RPAP1: variants seen among roughly 807,000 people sequenced by gnomAD.
RPAP1 encodes the protein RNA polymerase II associated protein 1, also known as RNA polymerase II-associated protein 1.
Under a neutral mutation model 142.4 loss-of-function variants are expected in RPAP1, and 109 were observed. The ratio of observed to expected loss-of-function variants is 0.77; its 90% CI spans 0.66 to 0.90. RPAP1 has a LOEUF of 0.90. Among genes scored for constraint, RPAP1 ranks in the 40% least tolerant of loss-of-function variants. The pLI, the probability that RPAP1 is intolerant of heterozygous loss-of-function variation, is 0.00. For synonymous variants in RPAP1, 704 were observed against 738.9 expected (o/e 0.95, Z 0.77); for missense variants, 1,546 against 1,751.7 (o/e 0.88, Z 2.10).
Position 41,517,243 on chromosome 15 carries a change from AGGGGTTG to A in RPAP1, c.*292_*298del. On this transcript the variant is annotated 3_prime_UTR_variant, in exon 25 of 25. Coordinates refer to ENST00000304330, the MANE Select transcript of RPAP1 (RefSeq NM_015540.4). ...GCATTCATATGCCTCAGCCCAGGGC[AGGGGTTG>A]GGAGTTAGGTAAGAAGGGATGCATT... 1 of 267,352 alleles carries A rather than the reference AGGGGTTG, an allele frequency of 3.7e-6. No individual in the cohort carries two copies. The highest frequency in any genetic ancestry group is 7.1e-5 in the East Asian group (1 of 14,114). 16.6% of individuals were successfully genotyped at this position (267,352 alleles called of 1,614,324 possible). A position where few individuals can be genotyped will look rare whatever the true frequency, so the allele number is the denominator to read the frequency against.
At position 41,526,922 on chromosome 15, in the gene RPAP1, A is replaced by C; in HGVS notation, c.1893T>G (p.Ala631=). The change falls in exon 14 of 25, where the codon GCT becomes GCG. Residue 631 remains alanine (A), a synonymous_variant. Transcript: ENST00000304330. ...AMKLLRVLAS[A]GRNIAARLLS... ...CCAGCCGGGCAGCAATATTCCTCCCAGCTGAGGCCAGGACACGAAGTAGTT... is the reference window on the plus strand; with the variant it reads ...CCAGCCGGGCAGCAATATTCCTCCCCGCTGAGGCCAGGACACGAAGTAGTT... 1 of 1,613,480 alleles carries C rather than the reference A, an allele frequency of 6.2e-7. No individual in the cohort carries two copies. Among genetic ancestry groups the C allele is most frequent in the Non-Finnish European group, 8.5e-7 (1 of 1,179,512 alleles).
chr15:41,524,078 G>A lies in RPAP1; in HGVS notation c.2234+18C>T. 1 of 1,591,908 alleles carries A rather than the reference G, an allele frequency of 6.3e-7. No homozygotes were observed. The highest frequency in any genetic ancestry group is 8.6e-7 in the Non-Finnish European group (1 of 1,165,838). On this transcript the variant is annotated intron_variant, in intron 16 of 24. Transcript: ENST00000304330. The stretch of plus-strand genomic sequence containing the variant: ...GAGGAGCCCTCCACCTGTCCTGTGG[G>A]TCCTGGCTATAAACTACCTGATGGT...
At chr15:41,542,087 G>T (rs771604994) in intron 1 of RPAP1, among the ~76,000 whole-genome samples, 63 of 152,156 alleles carry the variant, frequency 4.1e-4, no homozygotes, top group Non-Finnish European at 5.6e-4. Context: ...TAAATATAAA[G>T]AAATGGGAGT....
rs2051892666 is a variant in RPAP1 at position 41,534,921 on chromosome 15, C to T, written c.556G>A (p.Glu186Lys). The change falls in exon 6 of 25, where the codon GAG becomes AAG. Residue 186 changes from glutamate (E) to lysine (K), a missense_variant. This residue lies in a region of RPAP1 where 1,333 missense variants were observed against 1,486.6 expected (regional missense o/e 0.90). Coordinates refer to ENST00000304330, the MANE Select transcript of RPAP1 (RefSeq NM_015540.4). The part of the protein sequence containing the change: ...VGPPEGAVTC[E>K]TPTPRNQGCQ... The stretch of plus-strand genomic sequence containing the variant: ...CCCTGGTTCCTAGGAGTGGGTGTCT[C>T]ACAGGTCACGGCACCTGGAAGAAAG... 2 of 1,614,120 alleles carry T rather than the reference C, an allele frequency of 1.2e-6. No homozygotes were observed. The highest frequency in any genetic ancestry group is 1.7e-6 in the Non-Finnish European group (2 of 1,180,004).
At chr15:41,530,049 AC>A in intron 7 of RPAP1, 70 bp from the exon 8 acceptor site, 1 of 1,129,348 alleles carries the variant, frequency 8.9e-7, no homozygotes, top group Non-Finnish European at 1.3e-6. Context: ...CCCCACCATC[AC>A]CCAGCAGCTG....
chr15:41,521,927 G>A lies in RPAP1; in HGVS notation c.2896-47C>T, dbSNP rs199917072. The A allele has an allele frequency of 6.2e-5, 99 of 1,598,546 alleles. No individual in the cohort carries two copies. In the African/African-American group the frequency reaches 1.1e-3, roughly 18 times the overall value. ...ACTACCTAGTACAGGAGAAGGGGAC[G>A]TGGCAGAGAGAAGTGAGGAAGAGGA... On this transcript the variant is annotated intron_variant, in intron 20 of 24. Transcript: ENST00000304330.
Position 41,517,637 on chromosome 15 carries a change from C to T in RPAP1, c.4087G>A (p.Gly1363Ser), listed in dbSNP as rs1474529532. ...YKLPNSTLPE[G>S]FELYSQLPPL... ...GGCAACTGAGAATAGAGCTCAAAGC[C>T]CTCTGGGAGCGTGGAATTGGGAAGC... Residue 1363 changes from glycine to serine, a missense_variant, in exon 25 of 25, where the codon GGC becomes AGC. This residue lies in a region of RPAP1 where 210 missense variants were observed against 248.0 expected (regional missense o/e 0.85). Transcript: ENST00000304330. 1.2e-6 allele frequency: 2 copies of T among 1,612,510 alleles called. No individual in the cohort carries two copies. The highest frequency in any genetic ancestry group is 3.3e-5 in the Admixed American group (2 of 59,838).
Position 41,529,946 on chromosome 15 carries a change from CAT to C in RPAP1, c.975_976del (p.Trp326AlafsTer43), listed in dbSNP as rs2051831884. ...CAGCTCGACAGTGTCCATGTGCAGC[CAT>C]TCTTTCTGAGGGGTCACGGGCAATG... On this transcript the variant is annotated frameshift_variant, in exon 8 of 25. Transcript: ENST00000304330. LOFTEE classifies it high-confidence loss of function. 2 of 1,614,088 alleles carry C rather than the reference CAT, an allele frequency of 1.2e-6. No homozygotes were observed. Among genetic ancestry groups the C allele is most frequent in the Admixed American group, 1.7e-5 (1 of 60,006 alleles).
chr15:41,531,732 C>T (rs2051854467), intron 6 of RPAP1, among the ~76,000 whole-genome samples: 1 of 147,604 alleles, frequency 6.8e-6, no homozygotes, highest in Non-Finnish European at 1.5e-5. Context: ...CCTCCATCTC[C>T]CAGGTTCAAG....
chr15:41,527,800 G>T (rs11070334), intron 11 of RPAP1, 60 bp downstream of exon 11: 376 of 1,594,738 alleles, frequency 2.4e-4, no homozygotes, highest in Non-Finnish European at 3.1e-4. Flanking sequence ...CCATGCCCAG[G>T]AACAGGAATA....
intron 1 of RPAP1, among the ~76,000 whole-genome samples, chr15:41,537,510 G>T (rs959043264): frequency 6.6e-6 from 1 of 152,164 alleles, no homozygotes; most frequent in Admixed American, 6.5e-5. Flanking sequence ...TGATGATTCT[G>T]TATCAAACTG....
At position 41,534,739 on chromosome 15, in the gene RPAP1, T is replaced by C. The variant is rs1200411813; in HGVS notation, c.738A>G (p.Glu246=). The C allele has an allele frequency of 6.2e-7, 1 of 1,613,918 alleles. No homozygotes were observed. The highest frequency in any genetic ancestry group is 8.5e-7 in the Non-Finnish European group (1 of 1,180,004). The change falls in exon 6 of 25, where the codon GAA becomes GAG. Residue 246 remains glutamate, a synonymous_variant. Transcript: ENST00000304330. ...QAMAPEEILQ[E]QQRLLAQLDP... ...CAAGCTGGGCCAGCAACCGCTGCTG[T>C]TCCTGCAGGATCTCCTCAGGAGCCA... is the stretch of plus-strand genomic sequence containing the variant.
At chr15:41,527,346 C>G (rs748765424) in intron 12 of RPAP1, 45 bp from the exon 13 acceptor site, 1 of 1,613,294 alleles carries the variant, frequency 6.2e-7, no homozygotes, top group East Asian at 2.2e-5. Context: ...CAGCTGGACC[C>G]TGGGCATTGA....
intron 17 of RPAP1, 70 bp from the exon 18 acceptor site, chr15:41,523,424 C>T: frequency 1.0e-6 from 1 of 988,494 alleles, no homozygotes; most frequent in Non-Finnish European, 1.5e-6. Flanking sequence ...TGTACCCAGG[C>T]CAATGCCACC....
intron 3 of RPAP1, 117 bp downstream of exon 3, chr15:41,536,384 G>T: frequency 7.0e-7 from 1 of 1,423,136 alleles, no homozygotes; most frequent in Non-Finnish European, 9.7e-7. Context: ...CCTGACCTCA[G>T]GGGTAAAAGT....
rs775432436 is a variant in RPAP1 at position 41,527,132 on chromosome 15, G to A, written c.1746+35C>T. ...GTGGGTCAAGACAAGGCCCAGCTAG[G>A]CTTTTTGCCCATTCCCTGCTCCCTT... On this transcript the variant is annotated intron_variant, in intron 13 of 24. Transcript: ENST00000304330. 11 of 1,613,804 alleles carry A rather than the reference G, an allele frequency of 6.8e-6. No homozygotes were observed. The South Asian group carries it at 1.2e-4, about 18-fold the overall frequency.
At position 41,527,166 on chromosome 15, in the gene RPAP1, C is replaced by T. The variant is rs776694851; in HGVS notation, c.1746+1G>A. 1 of 1,614,130 alleles carries T rather than the reference C, an allele frequency of 6.2e-7. No homozygotes were observed. The highest frequency in any genetic ancestry group is 8.5e-7 in the Non-Finnish European group (1 of 1,180,002). On this transcript the variant is annotated splice_donor_variant, in intron 13 of 24. Coordinates refer to ENST00000304330, the MANE Select transcript of RPAP1 (RefSeq NM_015540.4). LOFTEE classifies it high-confidence loss of function. Reference sequence around the variant, plus strand: ...CCATTCCCTGCTCCCTTTTTTCTCACCCTTGTGGCTGATTCCAGGGAATGC... The same window carrying T: ...CCATTCCCTGCTCCCTTTTTTCTCATCCTTGTGGCTGATTCCAGGGAATGC...
chr15:41,542,283 C>T (rs1234401400), intron 1 of RPAP1, among the ~76,000 whole-genome samples: 1 of 152,016 alleles, frequency 6.6e-6, no homozygotes, highest in Non-Finnish European at 1.5e-5. Flanking sequence ...AATGATGTAC[C>T]CAAAGTTGGG....
At chr15:41,531,638 T>A (rs1185141206) in intron 6 of RPAP1, among the ~76,000 whole-genome samples, 33 of 62,440 alleles carry the variant, frequency 5.3e-4, no homozygotes, top group Non-Finnish European at 7.9e-4. Context: ...TTTTTTTTTT[T>A]TTTTTTTTTT....
Sources: allele counts gnomAD v4.1 joint callset (sites outside exome capture counted in the v4.1 genomes callset), GRCh38; gene constraint gnomAD v4.1.1; regional missense constraint gnomAD v4.1.1; transcripts MANE v1.5; gene names NCBI Gene and HGNC (gene_info 2026-07-23, HGNC 2026-07-21).